The following WSB1 variants were observed in gnomAD, a reference collection of about 807,000 sequenced individuals.
The protein encoded by WSB1 is WD repeat and SOCS box-containing protein 1.
In WSB1, 23 loss-of-function variants were observed where a neutral mutation model predicts 50.2. That is an observed-to-expected ratio of 0.46 (90% CI 0.33 to 0.65). WSB1 has a LOEUF of 0.65. WSB1 is among the 30% of genes least tolerant of loss of function. The pLI, the probability that WSB1 is intolerant of heterozygous loss-of-function variation, is 0.02. For synonymous variants in WSB1, 179 were observed against 172.0 expected, an observed-to-expected ratio of 1.04 and a Z score of -0.32; for missense variants, 492 against 522.3, an observed-to-expected ratio of 0.94 and a Z score of 0.56.
chr17:27,306,886 C>T lies in WSB1; in HGVS notation c.711+4C>T, dbSNP rs202117099. 8.7e-6 allele frequency: 14 copies of T among 1,613,538 alleles called. No homozygotes were observed. In the East Asian group the frequency reaches 1.8e-4, roughly 21 times the overall value. ...TTCAGTCGGAGCCAGTAAAGCAGTA[C>T]GTGTCAAAGTTCTTGTACATTCATT... is the stretch of plus-strand genomic sequence containing the variant. On this transcript the variant is annotated splice_donor_region_variant and intron_variant, in intron 5 of 8. Coordinates refer to ENST00000262394, the MANE Select transcript of WSB1 (RefSeq NM_015626.10).
rs946994569 is a variant in WSB1 at position 27,315,764 on chromosome 17, A to C, written c.*3395A>C. 6.6e-6 allele frequency: 1 copy of C among 152,274 alleles called. No individual in the cohort carries two copies. The highest frequency in any genetic ancestry group is 2.4e-5 in the African/African-American group (1 of 41,478). The allele number at this position is 152,274 out of a possible 1,614,324, so 9.4% of individuals were successfully genotyped here. The stretch of plus-strand genomic sequence containing the variant: ...ATTTTAACTAGCAAGTGTGTGGACT[A>C]TAAAACAAATATCTAGAGTTATATA... On this transcript the variant is annotated 3_prime_UTR_variant, in exon 9 of 9. Transcript: ENST00000262394.
chr17:27,303,560 A>G lies in WSB1; in HGVS notation c.403A>G (p.Arg135Gly), dbSNP rs2017323982. Reference protein sequence around the residue: ...RCVNIEWHRFRFGQDQLLLAT... With the variant: ...RCVNIEWHRFGFGQDQLLLAT... ...TGTAAATATAGAATGGCATCGCTTCAGATTTGGACAAGATCAGCTACTTCT... is the reference window on the plus strand; with the variant it reads ...TGTAAATATAGAATGGCATCGCTTCGGATTTGGACAAGATCAGCTACTTCT... Residue 135 changes from arginine to glycine, a missense_variant, in exon 3 of 9, where the codon AGA (arginine) becomes GGA (glycine). Arg to Gly is a moderately radical substitution (Grantham distance 125). Transcript: ENST00000262394. The G allele has an allele frequency of 6.2e-7, 1 of 1,614,210 alleles. No homozygotes were observed. The highest frequency in any genetic ancestry group is 2.2e-5 in the East Asian group (1 of 44,878).
chr17:27,304,962 A>C lies in WSB1; in HGVS notation c.610+51A>C, dbSNP rs773017679. ...CTAGGATTTGTTTCTTGATACTACT[A>C]TGGAGAGGTATTGGGAACATGTGGG... On this transcript the variant is annotated intron_variant, in intron 4 of 8. Transcript: ENST00000262394. The C allele has an allele frequency of 1.9e-6, 3 of 1,605,072 alleles. No homozygotes were observed. The East Asian group carries it at 6.7e-5, about 36-fold the overall frequency.
rs1317773437 is a variant in WSB1, at chr17:27,307,706, G to A, written c.711+824G>A. On this transcript the variant is annotated intron_variant, in intron 5 of 8. Coordinates refer to ENST00000262394, the MANE Select transcript of WSB1 (RefSeq NM_015626.10). ...GATGTTGACATTGCTATTTTAGGCT[G>A]TGTGTTTTCCATATGCTTCTTGCTT... is the stretch of plus-strand genomic sequence containing the variant. 5 of 1,530,596 alleles carry A rather than the reference G, an allele frequency of 3.3e-6. No individual in the cohort carries two copies. The South Asian group carries it at 4.8e-5, about 15-fold the overall frequency. The allele number at this position is 1,530,596 out of a possible 1,614,324, so 94.8% of individuals were successfully genotyped here. A position where few individuals can be genotyped will look rare whatever the true frequency, so the allele number is the denominator to read the frequency against.
At position 27,314,853 on chromosome 17, in the gene WSB1, A is replaced by T. The variant is rs1476377791; in HGVS notation, c.*2484A>T. 1 of 151,786 alleles carries T rather than the reference A, an allele frequency of 6.6e-6. No homozygotes were observed. Among genetic ancestry groups the T allele is most frequent in the Non-Finnish European group, 1.5e-5 (1 of 68,028 alleles). 9.4% of individuals were successfully genotyped at this position (151,786 alleles called of 1,614,324 possible). ...AGCTAATTTTTGTTGTATTTTTAGGACAGACGGCGTTTCACTGTTGGCCAG... is the reference window on the plus strand; with the variant it reads ...AGCTAATTTTTGTTGTATTTTTAGGTCAGACGGCGTTTCACTGTTGGCCAG... On this transcript the variant is annotated 3_prime_UTR_variant, in exon 9 of 9. Coordinates refer to ENST00000262394, the MANE Select transcript of WSB1 (RefSeq NM_015626.10).
At chr17:27,309,410 G>T in intron 6 of WSB1, 138 bp downstream of exon 6, 1 of 814,082 alleles carries the variant, frequency 1.2e-6, no homozygotes, top group South Asian at 2.4e-5. Flanking sequence ...TTAAGCCCTT[G>T]ACTAATGGAA....
At position 27,294,416 on chromosome 17, in the gene WSB1, G is replaced by A. The variant is rs2016857005; in HGVS notation, c.21G>A (p.Arg7=). The change falls in exon 1 of 9, where the codon AGG becomes AGA. Residue 7 remains arginine, a synonymous_variant. Coordinates refer to ENST00000262394, the MANE Select transcript of WSB1 (RefSeq NM_015626.10). The stretch of plus-strand genomic sequence containing the variant: ...CATAGATGGCCAGCTTTCCCCCGAG[G>A]GTCAACGAGAAAGAGATCGGTGAGG... MASFPP[R]VNEKEIVRLR... The A allele has an allele frequency of 1.7e-5, 28 of 1,613,776 alleles. No individual in the cohort carries two copies. Among genetic ancestry groups the A allele is most frequent in the Non-Finnish European group, 2.4e-5 (28 of 1,179,858 alleles).
intron 5 of WSB1, chr17:27,307,664 T>G: frequency 7.0e-7 from 1 of 1,430,484 alleles, no homozygotes; most frequent in Admixed American, 2.1e-5. Flanking sequence ...TTACAAATCA[T>G]AAGAAGAACA....
At chr17:27,303,797 C>G in intron 3 of WSB1, 162 bp downstream of exon 3, 1 of 837,150 alleles carries the variant, frequency 1.2e-6, no homozygotes. Flanking sequence ...TTCTTCAGCT[C>G]ATGATTTTAA....
At chr17:27,311,433 T>A in intron 7 of WSB1, 76 bp from the exon 8 acceptor site, 20 of 1,187,698 alleles carry the variant, frequency 1.7e-5, no homozygotes, top group Non-Finnish European at 2.3e-5. Flanking sequence ...TCAATGGCAT[T>A]TCTTTCTAAA....
At chr17:27,294,757 A>G (rs1421143473) in intron 1 of WSB1, among the ~76,000 whole-genome samples, 4 of 152,196 alleles carry the variant, frequency 2.6e-5, no homozygotes, top group Non-Finnish European at 5.9e-5. Flanking sequence ...TCGAGTGGAC[A>G]GGGAAGGGCC....
In WSB1 at chr17:27,303,356, C is replaced by T. The variant is rs1223221744; in HGVS notation, c.210-11C>T. 19 of 1,611,778 alleles carry T rather than the reference C, an allele frequency of 1.2e-5. No homozygotes were observed. Among genetic ancestry groups the T allele is most frequent in the Non-Finnish European group, 1.6e-5 (19 of 1,178,638 alleles). On this transcript the variant is annotated splice_polypyrimidine_tract_variant and intron_variant, in intron 2 of 8. Transcript: ENST00000262394. Reference sequence around the variant, plus strand: ...AATAATACAATTTCCATCTGACTTCCCCCACTCCAGTCTCTTGCATGGCAC... The same window carrying T: ...AATAATACAATTTCCATCTGACTTCTCCCACTCCAGTCTCTTGCATGGCAC...
rs1427503414 is a variant in WSB1, at chr17:27,299,090, C to G, written c.41-2698C>G. Among the ~76,000 whole-genome samples, 3 of 152,114 alleles carry G rather than the reference C, an allele frequency of 2.0e-5. No individual in the cohort carries two copies. In the East Asian group the frequency reaches 5.8e-4, roughly 29 times the overall value. Reference sequence around the variant, plus strand: ...TCAGAGGCCAGGCATATAAAGAACCCTGGTAAAAGGAACAAATAAGGCTGT... The same window carrying G: ...TCAGAGGCCAGGCATATAAAGAACCGTGGTAAAAGGAACAAATAAGGCTGT... On this transcript the variant is annotated intron_variant, in intron 1 of 8. Transcript: ENST00000262394.
At chr17:27,298,356 G>T (rs1597752007) in intron 1 of WSB1, among the ~76,000 whole-genome samples, 1 of 151,884 alleles carries the variant, frequency 6.6e-6, no homozygotes, top group Non-Finnish European at 1.5e-5. Context: ...TCCTAAAAAT[G>T]CTTGTAAAAT....
At chr17:27,299,082 A>G (rs144779118) in intron 1 of WSB1, among the ~76,000 whole-genome samples, 199 of 152,334 alleles carry the variant, frequency 1.3e-3, no homozygotes, top group Middle Eastern at 3.4e-3. Flanking sequence ...CCAGGCATAT[A>G]AAGAACCCTG....
chr17:27,305,029 C>A, intron 4 of WSB1, 118 bp downstream of exon 4: 1 of 1,331,614 alleles, frequency 7.5e-7, no homozygotes, highest in Non-Finnish European at 1.0e-6. Context: ...AGTTCCTTTT[C>A]TCTGCCTTAA....
In WSB1 at chr17:27,311,556, C is replaced by T. The variant is rs767604344; in HGVS notation, c.1046C>T (p.Ala349Val). 1 of 1,611,598 alleles carries T rather than the reference C, an allele frequency of 6.2e-7. No individual in the cohort carries two copies. Among genetic ancestry groups the T allele is most frequent in the Non-Finnish European group, 8.5e-7 (1 of 1,179,290 alleles). The change falls in exon 8 of 9, where the codon GCA (alanine) becomes GTA (valine). Residue 349 changes from alanine (A) to valine (V), a missense_variant. By Grantham distance (64) the Ala-to-Val change is moderately conservative. Transcript: ENST00000262394. ...RIDEDYPVQV[A>V]PLSNGLCCAF... The stretch of plus-strand genomic sequence containing the variant: ...GATGAGGATTATCCAGTGCAAGTTG[C>T]ACCTTTGAGCAATGGTCTTTGCTGT...
At chr17:27,306,929 A>T in intron 5 of WSB1, 47 bp downstream of exon 5, 2 of 1,536,158 alleles carry the variant, frequency 1.3e-6, no homozygotes, top group Non-Finnish European at 1.8e-6. Context: ...GGATTATGAT[A>T]ATGTGTGCAT....
At chr17:27,299,886 G>A (rs1237828381) in intron 1 of WSB1, among the ~76,000 whole-genome samples, 2 of 152,106 alleles carry the variant, frequency 1.3e-5, no homozygotes, top group Non-Finnish European at 2.9e-5. Context: ...AAGATTTTGA[G>A]TCATTAAAAA....
Sources: allele counts gnomAD v4.1 joint callset (sites outside exome capture counted in the v4.1 genomes callset), GRCh38; gene constraint gnomAD v4.1.1; transcripts MANE v1.5; gene names NCBI Gene and HGNC (gene_info 2026-07-23, HGNC 2026-07-21).